Variants in HTR4 observed in about 807,000 individuals in gnomAD.
The protein encoded by HTR4 is 5-hydroxytryptamine (serotonin) receptor 4, G protein-coupled.
In HTR4, 16 loss-of-function variants were observed where a neutral mutation model predicts 36.8. That is an observed-to-expected ratio of 0.43 (90% CI 0.29 to 0.66). The LOEUF is 0.66. HTR4 is among the 30% of genes least tolerant of loss of function. The pLI is 0.13. For synonymous variants in HTR4, 189 were observed against 185.1 expected (o/e 1.02, Z -0.17); for missense variants, 438 against 490.9 (o/e 0.89, Z 1.02).
At chr5:148,454,707 A>G (rs1755056034) in intron 5 of HTR4, among the ~76,000 whole-genome samples, 1 of 152,170 alleles carries the variant, frequency 6.6e-6, no homozygotes, top group African/African-American at 2.4e-5. Context: ...TCCTTTTATA[A>G]TCACAGTTGC....
intron 4 of HTR4, among the ~76,000 whole-genome samples, chr5:148,523,995 G>GT (rs111792304): frequency 0.16 from 23,760 of 146,638 alleles, 3,389 homozygotes; most frequent in African/African-American, 0.38. Flanking sequence ...CTAAGTCCGT[G>GT]TTTTTTTTTT....
At chr5:148,548,647 T>C (rs1759507178) in intron 4 of HTR4, 21 bp downstream of exon 4, 1 of 1,573,498 alleles carries the variant, frequency 6.4e-7, no homozygotes, top group Non-Finnish European at 8.7e-7. Flanking sequence ...AGCTCCGCTA[T>C]GCACATTGTT....
At chr5:148,590,282 CTTTTCTTTTTTTTTT>C (rs1761509187) in intron 2 of HTR4, among the ~76,000 whole-genome samples, 1 of 75,696 alleles carries the variant, frequency 1.3e-5, no homozygotes, top group Admixed American at 1.4e-4. Flanking sequence ...TTTCTTTTTT[CTTTTCTTTTTTTTTT>C]TTTTTTTTTT....
chr5:148,550,259 A>G lies in HTR4; in HGVS notation c.30T>C (p.Ser10=), dbSNP rs1219036323. The change falls in exon 3 of 7, where the codon TCT becomes TCC. Residue 10 remains serine (S), a synonymous_variant. Coordinates refer to ENST00000377888, the MANE Select transcript of HTR4 (RefSeq NM_000870.7). MDKLDANVS[S]EEGFGSVEKV... Reference sequence around the variant, plus strand: ...TCTCCACTGACCCGAAACCCTCCTCAGAACTGAAAGACACACACAAGCACA... The same window carrying G: ...TCTCCACTGACCCGAAACCCTCCTCGGAACTGAAAGACACACACAAGCACA... 5 of 1,613,990 alleles carry G rather than the reference A, an allele frequency of 3.1e-6. No homozygotes were observed. The highest frequency in any genetic ancestry group is 1.3e-5 in the African/African-American group (1 of 74,916).
intron 6 of HTR4, among the ~76,000 whole-genome samples, chr5:148,499,561 T>C: frequency 6.6e-6 from 1 of 152,218 alleles, no homozygotes; most frequent in Non-Finnish European, 1.5e-5. Context: ...TCTAATATGT[T>C]AGTTCTCCCT....
chr5:148,531,099 T>A (rs1434464307), intron 4 of HTR4, among the ~76,000 whole-genome samples: 1 of 151,968 alleles, frequency 6.6e-6, no homozygotes, highest in Non-Finnish European at 1.5e-5. Flanking sequence ...TTGTCTCAGA[T>A]GAGATGTTGG....
At chr5:148,520,728 A>C (rs1757972405) in intron 5 of HTR4, among the ~76,000 whole-genome samples, 1 of 152,238 alleles carries the variant, frequency 6.6e-6, no homozygotes, top group Non-Finnish European at 1.5e-5. Flanking sequence ...TTCAACATTC[A>C]CTGGCCATTA....
At chr5:148,526,069 T>A (rs557507663) in intron 4 of HTR4, among the ~76,000 whole-genome samples, 2 of 152,178 alleles carry the variant, frequency 1.3e-5, no homozygotes, top group Non-Finnish European at 2.9e-5. Context: ...ATCCTTCCCC[T>A]ACAAGTTCCA....
chr5:148,622,274 C>T (rs779987501), intron 2 of HTR4, among the ~76,000 whole-genome samples: 13 of 152,188 alleles, frequency 8.5e-5, no homozygotes, highest in Non-Finnish European at 1.5e-4. Context: ...ACTGGATTTG[C>T]CTGATGCTAA....
downstream of HTR4, among the ~76,000 whole-genome samples, chr5:148,475,794 G>A (rs1413472429): frequency 6.6e-6 from 1 of 152,240 alleles, no homozygotes; most frequent in Non-Finnish European, 1.5e-5. Context: ...AGAGCTTACT[G>A]TATGCCAGAG....
downstream of HTR4, among the ~76,000 whole-genome samples, chr5:148,474,296 G>A (rs190109952): frequency 1.1e-4 from 17 of 152,034 alleles, no homozygotes; most frequent in East Asian, 2.5e-3. Context: ...GATAAAAAGC[G>A]ATCGCTATAA....
chr5:148,469,237 A>AAAC (rs1210725273), intron 5 of HTR4, among the ~76,000 whole-genome samples: 1 of 152,224 alleles, frequency 6.6e-6, no homozygotes, highest in East Asian at 1.9e-4. Flanking sequence ...AGTACTATAG[A>AAAC]AACAACGGGG....
At chr5:148,569,377 T>A (rs1760582226) in intron 2 of HTR4, among the ~76,000 whole-genome samples, 1 of 151,278 alleles carries the variant, frequency 6.6e-6, no homozygotes, top group Non-Finnish European at 1.5e-5. Flanking sequence ...AGAAGGGGAG[T>A]ATCAGGAAAA....
downstream of HTR4, among the ~76,000 whole-genome samples, chr5:148,473,046 T>C (rs1271845295): frequency 6.6e-6 from 1 of 152,178 alleles, no homozygotes; most frequent in African/African-American, 2.4e-5. Context: ...GTGCCTGTTA[T>C]CCTAGCACTT....
chr5:148,611,821 G>C (rs1029743022), intron 2 of HTR4, among the ~76,000 whole-genome samples: 2 of 150,714 alleles, frequency 1.3e-5, no homozygotes, highest in Non-Finnish European at 1.5e-5. Flanking sequence ...CAAAATAAAA[G>C]GATGGAGGAA....
chr5:148,513,348 TA>T (rs927420176), intron 5 of HTR4, among the ~76,000 whole-genome samples: 8 of 152,190 alleles, frequency 5.3e-5, no homozygotes, highest in African/African-American at 1.9e-4. Flanking sequence ...TGGTATGATG[TA>T]CAAGATATGG....
At chr5:148,547,562 A>AAAATAAATAAAT (rs71274359) in intron 4 of HTR4, among the ~76,000 whole-genome samples, 22 of 138,960 alleles carry the variant, frequency 1.6e-4, no homozygotes, top group African/African-American at 5.4e-4. Context: ...AAAATAAAAT[A>AAAATAAATAAAT]AAATAAATAA....
chr5:148,578,251 T>C (rs546393933), intron 2 of HTR4, among the ~76,000 whole-genome samples: 56 of 152,138 alleles, frequency 3.7e-4, no homozygotes, highest in South Asian at 8.3e-4. Context: ...GCAGATTTGT[T>C]CTGTTGTGCA....
intron 5 of HTR4, among the ~76,000 whole-genome samples, chr5:148,452,842 T>C (rs139268512): frequency 3.3e-4 from 50 of 152,332 alleles, no homozygotes; most frequent in African/African-American, 1.2e-3. Context: ...GATCAGCCAC[T>C]ATTAACTAGG....
Sources: allele counts gnomAD v4.1 joint callset (sites outside exome capture counted in the v4.1 genomes callset), GRCh38; gene constraint gnomAD v4.1.1; transcripts MANE v1.5; gene names NCBI Gene and HGNC (gene_info 2026-07-23, HGNC 2026-07-21).